ASIC2: variants seen among roughly 807,000 people sequenced by gnomAD.
The protein encoded by ASIC2 is acid sensing ion channel subunit 2.
A neutral mutation model predicts 57.3 loss-of-function variants in ASIC2; 25 were observed. The observed-to-expected ratio is 0.44, with a 90% confidence interval of 0.32 to 0.61. ASIC2 has a LOEUF of 0.61. ASIC2 is among the 20% of genes least tolerant of loss of function. The pLI is 0.06. For missense variants in ASIC2, 641 were observed against 738.1 expected, an observed-to-expected ratio of 0.87 and a Z score of 1.52; for synonymous variants, 319 against 307.5, an observed-to-expected ratio of 1.04 and a Z score of -0.39.
At chr17:33,401,399 A>T (rs1205539603) in intron 1 of ASIC2, among the ~76,000 whole-genome samples, 1 of 152,020 alleles carries the variant, frequency 6.6e-6, no homozygotes, top group Non-Finnish European at 1.5e-5. Context: ...AACCTCTTCC[A>T]TCCCTTCCTT....
At chr17:33,170,726 A>G (rs1177630008) in intron 1 of ASIC2, among the ~76,000 whole-genome samples, 2 of 152,240 alleles carry the variant, frequency 1.3e-5, no homozygotes, top group African/African-American at 4.8e-5. Flanking sequence ...AGGGCTTCAA[A>G]GATCTTACAG....
chr17:34,150,399 C>G (rs1175677698), intron 1 of ASIC2, among the ~76,000 whole-genome samples: 1 of 152,066 alleles, frequency 6.6e-6, no homozygotes, highest in African/African-American at 2.4e-5. Flanking sequence ...AGTGTTCTTA[C>G]CATCCCCCCA....
intron 1 of ASIC2, among the ~76,000 whole-genome samples, chr17:33,930,636 G>GA (rs1251914946): frequency 2.6e-5 from 4 of 152,208 alleles, no homozygotes; most frequent in Non-Finnish European, 5.9e-5. Flanking sequence ...AAAGTGCTGA[G>GA]AAGTACCACT....
chr17:34,014,444 G>A (rs1388913459), intron 1 of ASIC2, among the ~76,000 whole-genome samples: 1 of 152,176 alleles, frequency 6.6e-6, no homozygotes, highest in African/African-American at 2.4e-5. Flanking sequence ...CGAGACATTG[G>A]CTATGCTATG....
chr17:33,200,082 C>A (rs1906796866), intron 1 of ASIC2, among the ~76,000 whole-genome samples: 1 of 152,156 alleles, frequency 6.6e-6, no homozygotes, highest in South Asian at 2.1e-4. Context: ...CTGAATAGCT[C>A]CTTTTACCCT....
intron 1 of ASIC2, among the ~76,000 whole-genome samples, chr17:34,112,155 C>T (rs940962116): frequency 6.6e-6 from 1 of 151,956 alleles, no homozygotes; most frequent in African/African-American, 2.4e-5. Context: ...ATAGAAGAGA[C>T]CAAAATCTGA....
chr17:33,214,423 T>C (rs1022677089), intron 1 of ASIC2, among the ~76,000 whole-genome samples: 1 of 152,150 alleles, frequency 6.6e-6, no homozygotes, highest in Admixed American at 6.5e-5. Flanking sequence ...ATCCTCTCTG[T>C]CCTCTGGAGC....
intron 1 of ASIC2, among the ~76,000 whole-genome samples, chr17:33,285,329 C>T (rs1905106604): frequency 6.6e-6 from 1 of 152,154 alleles, no homozygotes; most frequent in Non-Finnish European, 1.5e-5. Context: ...TTTTCATGTT[C>T]CTTGTATAAA....
chr17:33,755,692 G>A (rs1464855748), intron 1 of ASIC2, among the ~76,000 whole-genome samples: 1 of 152,176 alleles, frequency 6.6e-6, no homozygotes, highest in African/African-American at 2.4e-5. Flanking sequence ...GAGTTTGCAG[G>A]AGAACAGGGA....
At chr17:33,134,430 T>G (rs765256390) in intron 1 of ASIC2, among the ~76,000 whole-genome samples, 3 of 152,204 alleles carry the variant, frequency 2.0e-5, no homozygotes, top group Non-Finnish European at 4.4e-5. Context: ...CACTCAGTAT[T>G]ATGCCAGATG....
At chr17:33,199,479 T>C (rs1400000319) in intron 1 of ASIC2, among the ~76,000 whole-genome samples, 1 of 152,216 alleles carries the variant, frequency 6.6e-6, no homozygotes, top group Non-Finnish European at 1.5e-5. Flanking sequence ...GACTTTGGAC[T>C]GGGTACACAA....
At chr17:33,536,368 C>T (rs749280805) in intron 1 of ASIC2, among the ~76,000 whole-genome samples, 5 of 152,072 alleles carry the variant, frequency 3.3e-5, no homozygotes, top group South Asian at 2.1e-4. Flanking sequence ...TTGTGAGAGC[C>T]GACTGTCAAA....
chr17:33,294,726 T>C (rs907050352), upstream of ASIC2, among the ~76,000 whole-genome samples: 22 of 152,076 alleles, frequency 1.4e-4, no homozygotes, highest in Non-Finnish European at 3.1e-4. Context: ...CATACATACA[T>C]ACACACAACA....
chr17:33,315,967 T>G (rs945052238), intron 1 of ASIC2, among the ~76,000 whole-genome samples: 4 of 152,210 alleles, frequency 2.6e-5, no homozygotes, highest in African/African-American at 9.7e-5. Context: ...AACATGGAAC[T>G]GATAATAGTG....
intron 1 of ASIC2, among the ~76,000 whole-genome samples, chr17:33,989,098 A>ATCTGTCT (rs1905920787): frequency 6.6e-6 from 1 of 152,162 alleles, no homozygotes; most frequent in African/African-American, 2.4e-5. Context: ...AACCTAAAAC[A>ATCTGTCT]GAACCCACAT....
rs78755183 is a variant in ASIC2 at position 33,148,329 on chromosome 17, T to G, written c.709-36262A>C. On this transcript the variant is annotated intron_variant, in intron 1 of 9. Transcript: ENST00000225823. ...TGAATTGGGGTTCAGGAAGGAGAAA[T>G]GAACTGCCCAAGGTCACACAGGAAG... Among the ~76,000 whole-genome samples the G allele has an allele frequency of 1.4e-4, 21 of 152,280 alleles. No homozygotes were observed. The East Asian group carries it at 3.3e-3, about 24-fold the overall frequency.
chr17:33,565,842 C>G (rs940953018), intron 1 of ASIC2: 3 of 152,268 alleles, frequency 2.0e-5, no homozygotes, highest in African/African-American at 7.2e-5. Context: ...ATCTAGGTAA[C>G]AGCTTGAAGG....
intron 1 of ASIC2, among the ~76,000 whole-genome samples, chr17:33,349,850 T>C (rs565744313): frequency 6.6e-6 from 1 of 152,234 alleles, no homozygotes; most frequent in Non-Finnish European, 1.5e-5. Context: ...TGTTTCATTC[T>C]TTGTGTCACT....
chr17:34,133,151 T>C (rs1029646317), intron 1 of ASIC2, among the ~76,000 whole-genome samples: 1 of 152,248 alleles, frequency 6.6e-6, no homozygotes, highest in Non-Finnish European at 1.5e-5. Context: ...CTGGGATTGA[T>C]AAATAGATGT....
Sources: gnomAD v4.1 joint callset for allele counts (sites outside exome capture counted in the v4.1 genomes callset) on GRCh38, gnomAD v4.1.1 for gene constraint, MANE v1.5 for transcripts, NCBI Gene and HGNC (gene_info 2026-07-23, HGNC 2026-07-21) for gene names.